Variants in SPHKAP observed in about 807,000 individuals in gnomAD.
SPHKAP encodes the protein A-kinase anchor protein SPHKAP.
SPHKAP carries 67 observed loss-of-function variants against 137.5 expected under a neutral mutation model. That is an observed-to-expected ratio of 0.49 (90% CI 0.40 to 0.60). SPHKAP has a LOEUF of 0.60. SPHKAP is among the 20% of genes least tolerant of loss of function. The probability of loss-of-function intolerance (pLI) is 0.00; values close to 1 mark genes in which losing one functional copy is unlikely to be tolerated. For synonymous variants in SPHKAP, 813 were observed against 785.3 expected (o/e 1.04, Z -0.59); for missense variants, 2,097 against 2,069.3 (o/e 1.01, Z -0.26).
chr2:228,015,298 C>T (rs1694537897), intron 7 of SPHKAP, among the ~76,000 whole-genome samples: 1 of 151,826 alleles, frequency 6.6e-6, no homozygotes, highest in Admixed American at 6.6e-5. Context: ...ATATGTGCCA[C>T]ATTTTCTTAA....
intron 1 of SPHKAP, among the ~76,000 whole-genome samples, chr2:228,175,320 A>G (rs1217169711): frequency 7.1e-6 from 1 of 139,946 alleles, no homozygotes; most frequent in Non-Finnish European, 1.7e-5. Context: ...TAATTATTCT[A>G]AAAATATCTG....
chr2:228,168,281 G>T (rs931256873), intron 1 of SPHKAP, among the ~76,000 whole-genome samples: 3 of 152,040 alleles, frequency 2.0e-5, no homozygotes, highest in African/African-American at 7.2e-5. Context: ...ATTTAATAAT[G>T]GATATAGACA....
intron 3 of SPHKAP, among the ~76,000 whole-genome samples, chr2:228,052,611 G>A (rs1285348799): frequency 1.3e-5 from 2 of 152,096 alleles, no homozygotes; most frequent in African/African-American, 4.8e-5. Context: ...TCAAAAGTGA[G>A]GGTTAGAATG....
intron 11 of SPHKAP, among the ~76,000 whole-genome samples, chr2:227,984,264 C>T (rs1450213886): frequency 7.1e-6 from 1 of 140,982 alleles, no homozygotes; most frequent in African/African-American, 2.7e-5. Flanking sequence ...TTCACCACTG[C>T]ACTTCAGCCT....
chr2:228,046,658 C>T lies in SPHKAP; in HGVS notation c.247-19115G>A, dbSNP rs534914745. On this transcript the variant is annotated intron_variant, in intron 3 of 11. Transcript: ENST00000392056. ...GTTTCTGACTTTATTCCCTGAAGCA[C>T]TCATTAATCTGGCTTTAGTATATTC... Among the ~76,000 whole-genome samples, 5 of 152,180 alleles carry T rather than the reference C, an allele frequency of 3.3e-5. No individual in the cohort carries two copies. In the South Asian group the frequency reaches 8.3e-4, roughly 25 times the overall value.
chr2:227,980,092 G>C lies in SPHKAP; in HGVS notation c.*1625C>G, dbSNP rs1692944152. On this transcript the variant is annotated 3_prime_UTR_variant, in exon 12 of 12. Coordinates refer to ENST00000392056, the MANE Select transcript of SPHKAP (RefSeq NM_001142644.2). ...TGAGCACAACAAAAGTCTACACACAGTATTCTGGGATTGTTTAAAAAATAA... is the reference window on the plus strand; with the variant it reads ...TGAGCACAACAAAAGTCTACACACACTATTCTGGGATTGTTTAAAAAATAA... 1 of 152,662 alleles carries C rather than the reference G, an allele frequency of 6.6e-6. No individual in the cohort carries two copies. Among genetic ancestry groups the C allele is most frequent in the African/African-American group, 2.4e-5 (1 of 41,474 alleles). The allele number at this position is 152,662 out of a possible 1,614,324, so 9.5% of individuals were successfully genotyped here.
chr2:227,992,662 C>G (rs1693458044), intron 9 of SPHKAP, among the ~76,000 whole-genome samples: 1 of 152,136 alleles, frequency 6.6e-6, no homozygotes, highest in Admixed American at 6.6e-5. Flanking sequence ...GTATGCTCAT[C>G]TCTACTTGTG....
chr2:228,071,289 AT>A (rs1209721945), intron 3 of SPHKAP, among the ~76,000 whole-genome samples: 2 of 152,168 alleles, frequency 1.3e-5, no homozygotes, highest in Non-Finnish European at 2.9e-5. Flanking sequence ...TTCCCCCCAA[AT>A]AGGGCACTTT....
chr2:228,001,425 A>T (rs963692808), intron 7 of SPHKAP, among the ~76,000 whole-genome samples: 1 of 140,724 alleles, frequency 7.1e-6, no homozygotes, highest in Non-Finnish European at 1.5e-5. Flanking sequence ...ATAAATATAT[A>T]CATATATAAA....
At chr2:228,049,488 T>A (rs1184010895) in intron 3 of SPHKAP, among the ~76,000 whole-genome samples, 1 of 152,200 alleles carries the variant, frequency 6.6e-6, no homozygotes, top group African/African-American at 2.4e-5. Context: ...GCACTTCAAA[T>A]TATTTATGTA....
chr2:228,049,726 C>T (rs570349060), intron 3 of SPHKAP, among the ~76,000 whole-genome samples: 22 of 152,306 alleles, frequency 1.4e-4, no homozygotes, highest in African/African-American at 5.3e-4. Flanking sequence ...TTAGCTCTTA[C>T]TTGTAAGTGA....
chr2:228,133,336 A>T (rs534401024), intron 1 of SPHKAP, among the ~76,000 whole-genome samples: 3 of 113,170 alleles, frequency 2.7e-5, no homozygotes, highest in African/African-American at 9.2e-5. Flanking sequence ...TAAATAAATA[A>T]ATAAATAAAT....
rs1693751459 is a variant in SPHKAP, at chr2:227,999,167, TG to T, written c.4449-3474del. 2.6e-5 allele frequency among the ~76,000 whole-genome samples: 4 copies of T among 152,344 alleles called. No individual in the cohort carries two copies. In the South Asian group the frequency reaches 8.3e-4, roughly 32 times the overall value. Reference sequence around the variant, plus strand: ...ACCTAAGGAATTTTACAAAAGGCTTTGGATGCTTGATCCTGACAGTCCTTCT... The same window carrying T: ...ACCTAAGGAATTTTACAAAAGGCTTTGATGCTTGATCCTGACAGTCCTTCT... On this transcript the variant is annotated intron_variant, in intron 7 of 11. Transcript: ENST00000392056.
intron 3 of SPHKAP, among the ~76,000 whole-genome samples, chr2:228,088,774 T>C (rs1449700748): frequency 6.6e-6 from 1 of 152,162 alleles, no homozygotes; most frequent in Non-Finnish European, 1.5e-5. Context: ...TGCCATGTGA[T>C]GCACTGGCTC....
intron 1 of SPHKAP, among the ~76,000 whole-genome samples, chr2:228,142,043 A>T (rs1208859286): frequency 6.6e-6 from 1 of 152,160 alleles, no homozygotes; most frequent in Non-Finnish European, 1.5e-5. Context: ...CACCAAATGG[A>T]ACTGAATTAA....
chr2:228,165,392 G>C (rs186562816), intron 1 of SPHKAP, among the ~76,000 whole-genome samples: 8 of 152,272 alleles, frequency 5.3e-5, no homozygotes, highest in African/African-American at 1.9e-4. Flanking sequence ...TATTTATCAA[G>C]GGCCTGCTTT....
intron 1 of SPHKAP, among the ~76,000 whole-genome samples, chr2:228,149,872 A>C (rs1485049527): frequency 1.3e-5 from 2 of 152,154 alleles, no homozygotes; most frequent in East Asian, 3.8e-4. Context: ...CAATCAAATA[A>C]ACTGGAAATG....
Position 228,016,854 on chromosome 2 carries a change from C to T in SPHKAP, c.4000G>A (p.Glu1334Lys), listed in dbSNP as rs774337742. The change falls in exon 7 of 12, where the codon GAG becomes AAG. Residue 1334 changes from glutamate to lysine, a missense_variant. Physicochemically the swap from Glu to Lys is moderately conservative, Grantham distance 56. Transcript: ENST00000392056. The part of the protein sequence containing the change: ...IVDDAEEADT[E>K]PVSGGSPSQA... The stretch of plus-strand genomic sequence containing the variant: ...GAGGGAGAGCCACCAGAAACAGGCT[C>T]AGTGTCAGCTTCCTCTGCATCATCC... 4.3e-6 allele frequency: 7 copies of T among 1,613,964 alleles called. No individual in the cohort carries two copies. The highest frequency in any genetic ancestry group is 1.3e-5 in the African/African-American group (1 of 74,894).
At chr2:228,033,861 C>A (rs940827640) in intron 3 of SPHKAP, among the ~76,000 whole-genome samples, 3 of 152,212 alleles carry the variant, frequency 2.0e-5, no homozygotes, top group East Asian at 1.9e-4. Context: ...ACCAGAATCT[C>A]TGGGACACAT....
Sources: gnomAD v4.1 joint callset for allele counts (sites outside exome capture counted in the v4.1 genomes callset) on GRCh38, gnomAD v4.1.1 for gene constraint, MANE v1.5 for transcripts, NCBI Gene and HGNC (gene_info 2026-07-23, HGNC 2026-07-21) for gene names.